The following PDE3A variants were observed in gnomAD, a reference collection of about 807,000 sequenced individuals.
PDE3A encodes phosphodiesterase 3A, also known as cGMP-inhibited 3',5'-cyclic phosphodiesterase 3A.
In PDE3A, 43 loss-of-function variants were observed where a neutral mutation model predicts 98.3. The observed-to-expected ratio is 0.44, with a 90% CI of 0.34 to 0.56. The LOEUF (loss-of-function observed/expected upper bound fraction) is 0.56. Ranked by LOEUF, PDE3A falls within the 20% of genes least tolerant of loss-of-function variation. The pLI is 0.01. For synonymous variants in PDE3A, 663 were observed against 567.9 expected (o/e 1.17, Z -2.38); for missense variants, 1,427 against 1,440.7 (o/e 0.99, Z 0.15).
At chr12:20,431,176 G>T (rs920511239) in intron 1 of PDE3A, among the ~76,000 whole-genome samples, 2 of 152,056 alleles carry the variant, frequency 1.3e-5, no homozygotes, top group African/African-American at 4.8e-5. Flanking sequence ...TCTGAAACAG[G>T]TTGATTATCT....
At chr12:20,545,049 C>T (rs1310861010) in intron 1 of PDE3A, among the ~76,000 whole-genome samples, 1 of 151,966 alleles carries the variant, frequency 6.6e-6, no homozygotes, top group Non-Finnish European at 1.5e-5. Context: ...AAATACCTCA[C>T]AGGAAAACTT....
intron 1 of PDE3A, among the ~76,000 whole-genome samples, chr12:20,393,132 T>A (rs190670358): frequency 7.6e-4 from 116 of 152,118 alleles, no homozygotes; most frequent in African/African-American, 2.8e-3. Flanking sequence ...AGAATTGTAA[T>A]GTTCCTTTAT....
At chr12:20,407,761 A>G (rs74679485) in intron 1 of PDE3A, among the ~76,000 whole-genome samples, 2,115 of 152,200 alleles carry the variant, frequency 0.014, 21 homozygotes, top group Non-Finnish European at 0.019. Flanking sequence ...GTTGGCTTTC[A>G]TATGTTTTTC....
rs1945936199 is a variant in PDE3A at position 20,685,495 on chromosome 12, G to C, written c.*5224G>C. ...AGATAAAGGCTTCATTTCCATAGTG[G>C]AAATCAGTGTTTACCTGCTGATTCA... On this transcript the variant is annotated 3_prime_UTR_variant, in exon 16 of 16. Coordinates refer to ENST00000359062, the MANE Select transcript of PDE3A (RefSeq NM_000921.5). Among the ~76,000 whole-genome samples the C allele has an allele frequency of 6.6e-6, 1 of 151,516 alleles. No homozygotes were observed. The highest frequency in any genetic ancestry group is 2.4e-5 in the African/African-American group (1 of 41,158).
intron 1 of PDE3A, among the ~76,000 whole-genome samples, chr12:20,378,481 A>G (rs1173694450): frequency 6.6e-6 from 1 of 151,744 alleles, no homozygotes; most frequent in Non-Finnish European, 1.5e-5. Context: ...GGGACAGGGT[A>G]TATTACTTAT....
intron 1 of PDE3A, among the ~76,000 whole-genome samples, chr12:20,491,164 A>G (rs1005585007): frequency 6.6e-6 from 1 of 152,212 alleles, no homozygotes; most frequent in Non-Finnish European, 1.5e-5. Context: ...GCAATTTCCC[A>G]TCAAAATGGC....
intron 1 of PDE3A, among the ~76,000 whole-genome samples, chr12:20,536,899 T>C (rs1033017655): frequency 6.6e-5 from 10 of 152,126 alleles, no homozygotes; most frequent in Non-Finnish European, 1.3e-4. Flanking sequence ...CTCTGGAATA[T>C]ACATCTAGAA....
chr12:20,390,762 A>C (rs1434123899), intron 1 of PDE3A, among the ~76,000 whole-genome samples: 1 of 151,940 alleles, frequency 6.6e-6, no homozygotes, highest in East Asian at 1.9e-4. Flanking sequence ...TTAATACCAC[A>C]ACCACGTTAG....
At chr12:20,379,616 G>GA (rs2120536235) in intron 1 of PDE3A, among the ~76,000 whole-genome samples, 1 of 151,762 alleles carries the variant, frequency 6.6e-6, no homozygotes, top group South Asian at 2.1e-4. Flanking sequence ...TGGATGGTAG[G>GA]AAAAATGGAT....
At chr12:20,503,646 ATAT>A (rs779449687) in intron 1 of PDE3A, among the ~76,000 whole-genome samples, 7 of 152,070 alleles carry the variant, frequency 4.6e-5, no homozygotes, top group Non-Finnish European at 1.0e-4. Flanking sequence ...AGACGTAATA[ATAT>A]TATTTTAAAA....
Position 20,685,608 on chromosome 12 carries a change from A to G in PDE3A, c.*5337A>G, listed in dbSNP as rs1945939658. Among the ~76,000 whole-genome samples, 1 of 152,028 alleles carries G rather than the reference A, an allele frequency of 6.6e-6. No homozygotes were observed. Among genetic ancestry groups the G allele is most frequent in the South Asian group, 2.1e-4 (1 of 4,828 alleles). On this transcript the variant is annotated 3_prime_UTR_variant, in exon 16 of 16. Transcript: ENST00000359062. ...AAATGGAAAACAAAATTAGCTTTTG[A>G]CATATGTTTAAGTCTCTAAAAGGAA... is the stretch of plus-strand genomic sequence containing the variant.
intron 1 of PDE3A, among the ~76,000 whole-genome samples, chr12:20,396,893 A>G (rs1201700656): frequency 6.6e-6 from 1 of 151,990 alleles, no homozygotes; most frequent in African/African-American, 2.4e-5. Context: ...AGGAGTATTG[A>G]TCACTATGAA....
intron 1 of PDE3A, among the ~76,000 whole-genome samples, chr12:20,500,603 G>T (rs1946005378): frequency 6.6e-6 from 1 of 151,262 alleles, no homozygotes; most frequent in Non-Finnish European, 1.5e-5. Context: ...TTGTTATTTG[G>T]GTCATTCTTC....
chr12:20,527,891 A>G (rs1946553909), intron 1 of PDE3A, among the ~76,000 whole-genome samples: 2 of 151,550 alleles, frequency 1.3e-5, no homozygotes, highest in South Asian at 4.2e-4. Context: ...AGAAGCAGAC[A>G]TTTTATGTGT....
At chr12:20,404,477 C>A (rs1944193136) in intron 1 of PDE3A, among the ~76,000 whole-genome samples, 1 of 152,106 alleles carries the variant, frequency 6.6e-6, no homozygotes, top group Admixed American at 6.5e-5. Flanking sequence ...ATATAAGTTT[C>A]ATGAGGTCAG....
chr12:20,597,817 A>G (rs981442302), intron 2 of PDE3A, among the ~76,000 whole-genome samples: 3 of 152,212 alleles, frequency 2.0e-5, no homozygotes, highest in African/African-American at 7.2e-5. Flanking sequence ...CCTAAGGTGT[A>G]GATAGTACCA....
intron 1 of PDE3A, among the ~76,000 whole-genome samples, chr12:20,376,573 G>T (rs1943575078): frequency 6.6e-6 from 1 of 151,924 alleles, no homozygotes; most frequent in African/African-American, 2.4e-5. Flanking sequence ...GTCTAACTTT[G>T]TGGAGTCTTA....
At chr12:20,660,115 CAGTG>C (rs1243754835) in intron 15 of PDE3A, among the ~76,000 whole-genome samples, 3 of 152,036 alleles carry the variant, frequency 2.0e-5, no homozygotes, top group Admixed American at 6.5e-5. Context: ...GTTCTCATGA[CAGTG>C]AGTGACTTGT....
At chr12:20,656,208 A>G (rs1246160042) in intron 15 of PDE3A, among the ~76,000 whole-genome samples, 3 of 152,200 alleles carry the variant, frequency 2.0e-5, no homozygotes, top group Non-Finnish European at 4.4e-5. Flanking sequence ...CCAGTGAAAG[A>G]CATTCTGATC....
Sources: gnomAD v4.1 joint callset for allele counts (sites outside exome capture counted in the v4.1 genomes callset) on GRCh38, gnomAD v4.1.1 for gene constraint, MANE v1.5 for transcripts, NCBI Gene and HGNC (gene_info 2026-07-23, HGNC 2026-07-21) for gene names.